Variants in CNTN4 observed in about 807,000 individuals in gnomAD.
The protein encoded by CNTN4 is contactin-4.
In CNTN4, 77 loss-of-function variants were observed where a neutral mutation model predicts 122.5. The ratio of observed to expected loss-of-function variants is 0.63; its 90% confidence interval spans 0.52 to 0.76. The LOEUF (loss-of-function observed/expected upper bound fraction) is 0.76. Ranked by LOEUF, CNTN4 falls within the 30% of genes least tolerant of loss-of-function variation. The probability of loss-of-function intolerance (pLI) is 0.00; values close to 1 mark genes in which losing one functional copy is unlikely to be tolerated. For missense variants in CNTN4, 1,256 were observed against 1,259.1 expected, an observed-to-expected ratio of 1.00 and a Z score of 0.04; for synonymous variants, 512 against 447.0, an observed-to-expected ratio of 1.15 and a Z score of -1.83.
chr3:2,899,032 T>C (rs1311648313), intron 10 of CNTN4, among the ~76,000 whole-genome samples: 2 of 152,248 alleles, frequency 1.3e-5, no homozygotes, highest in African/African-American at 4.8e-5. Context: ...TTTTTGAAGT[T>C]GACCCTTTTG....
At chr3:3,048,514 C>CTGTGTGTG (rs1491111533) in intron 23 of CNTN4, among the ~76,000 whole-genome samples, 1 of 134,278 alleles carries the variant, frequency 7.4e-6, no homozygotes, top group African/African-American at 3.3e-5. Flanking sequence ...CTCTCTCTCT[C>CTGTGTGTG]TCTGTGTGTG....
At chr3:2,664,301 A>G (rs1431092696) in intron 4 of CNTN4, among the ~76,000 whole-genome samples, 1 of 146,370 alleles carries the variant, frequency 6.8e-6, no homozygotes, top group African/African-American at 2.4e-5. Flanking sequence ...TTCTAAACCA[A>G]TCCTGTGATT....
chr3:2,348,041 C>G (rs62244016), intron 3 of CNTN4, among the ~76,000 whole-genome samples: 3 of 151,878 alleles, frequency 2.0e-5, no homozygotes, highest in East Asian at 1.9e-4. Flanking sequence ...ACATATAGTT[C>G]GTAATTTTAT....
intron 2 of CNTN4, among the ~76,000 whole-genome samples, chr3:2,316,244 CTTTTA>C (rs1387559412): frequency 1.3e-5 from 2 of 151,942 alleles, no homozygotes; most frequent in Non-Finnish European, 2.9e-5. Context: ...CAGATAGAGT[CTTTTA>C]TTTTATTTGA....
At position 3,040,099 on chromosome 3, in the gene CNTN4, C is replaced by T. The variant is rs569130636; in HGVS notation, c.2226C>T (p.Tyr742=). 32 of 1,614,164 alleles carry T rather than the reference C, an allele frequency of 2.0e-5. No homozygotes were observed. The highest frequency in any genetic ancestry group is 1.6e-4 in the Middle Eastern group (1 of 6,062). Residue 742 remains tyrosine (Y), a synonymous_variant, in exon 20 of 25, where the codon TAC becomes TAT. Coordinates refer to ENST00000418658, the MANE Select transcript of CNTN4 (RefSeq NM_175607.3). The part of the protein sequence containing the change: ...GFGYVVAFRP[Y]GKMIWMLTVL... ...GTTATGTGGTGGCCTTCCGGCCCTA[C>T]GGTAAAATGATCTGGATGCTGACAG...
intron 2 of CNTN4, among the ~76,000 whole-genome samples, chr3:2,138,479 G>A (rs543455900): frequency 1.3e-5 from 2 of 152,140 alleles, no homozygotes; most frequent in Non-Finnish European, 2.9e-5. Context: ...GGGGTGCCTG[G>A]ATAAAACATT....
chr3:2,845,424 AAATT>A (rs1218150317), intron 7 of CNTN4, among the ~76,000 whole-genome samples: 1 of 152,042 alleles, frequency 6.6e-6, no homozygotes, highest in African/African-American at 2.4e-5. Flanking sequence ...GCCTAAAAAT[AAATT>A]ACTTTATTAG....
At chr3:2,118,574 A>G (rs555016049) in intron 2 of CNTN4, among the ~76,000 whole-genome samples, 2 of 152,264 alleles carry the variant, frequency 1.3e-5, no homozygotes, top group Non-Finnish European at 1.5e-5. Context: ...TGTAAGTTAT[A>G]TATTATTCAT....
intron 4 of CNTN4, among the ~76,000 whole-genome samples, chr3:2,730,223 C>T (rs1175011915): frequency 6.6e-6 from 1 of 152,166 alleles, no homozygotes; most frequent in African/African-American, 2.4e-5. Context: ...ATTAATGTTT[C>T]ATATATACCT....
At chr3:2,893,484 TC>T (rs1397990304) in intron 10 of CNTN4, among the ~76,000 whole-genome samples, 1 of 152,204 alleles carries the variant, frequency 6.6e-6, no homozygotes, top group East Asian at 1.9e-4. Context: ...TACCCTCAAT[TC>T]CCCTGTCACT....
intron 13 of CNTN4, among the ~76,000 whole-genome samples, chr3:2,965,824 TGTC>T (rs1692246216): frequency 1.3e-5 from 2 of 152,170 alleles, no homozygotes; most frequent in South Asian, 4.1e-4. Context: ...CTTTTCTGCA[TGTC>T]GTCCCCTGTA....
chr3:2,252,929 T>A (rs2149691031), intron 2 of CNTN4, among the ~76,000 whole-genome samples: 1 of 152,278 alleles, frequency 6.6e-6, no homozygotes, highest in Non-Finnish European at 1.5e-5. Context: ...TCTTTAAAGC[T>A]GATTTTTAAT....
chr3:2,245,689 T>C (rs2040117711), intron 2 of CNTN4, among the ~76,000 whole-genome samples: 1 of 152,064 alleles, frequency 6.6e-6, no homozygotes. Flanking sequence ...GTGTACGTAT[T>C]TTCTTTTGTA....
intron 7 of CNTN4, among the ~76,000 whole-genome samples, chr3:2,820,957 C>CTTTTTT (rs1435679583): frequency 1.4e-5 from 1 of 70,624 alleles, no homozygotes; most frequent in African/African-American, 5.6e-5. Flanking sequence ...AACATTTTCT[C>CTTTTTT]TTTCTTTTTT....
At chr3:2,319,685 G>T (rs913537217) in intron 2 of CNTN4, among the ~76,000 whole-genome samples, 1 of 152,182 alleles carries the variant, frequency 6.6e-6, no homozygotes, top group Admixed American at 6.5e-5. Context: ...TACAAAATAT[G>T]TGTTGACTGT....
chr3:2,298,595 T>C (rs1178486), intron 2 of CNTN4, among the ~76,000 whole-genome samples: 47,484 of 152,048 alleles, frequency 0.31, 7,919 homozygotes, highest in East Asian at 0.58. Context: ...AGAGAATGAA[T>C]TTCCATCTTT....
chr3:2,946,031 C>T (rs1168074708), intron 13 of CNTN4, among the ~76,000 whole-genome samples: 3 of 152,080 alleles, frequency 2.0e-5, no homozygotes, highest in African/African-American at 4.8e-5. Flanking sequence ...TATATCTTTT[C>T]CTGTAGCTAA....
intron 14 of CNTN4, among the ~76,000 whole-genome samples, chr3:3,007,188 C>A (rs1696741990): frequency 6.6e-6 from 1 of 152,334 alleles, no homozygotes; most frequent in African/African-American, 2.4e-5. Context: ...ATGCTCTCAG[C>A]AGACAAAACT....
At chr3:3,003,709 A>ACAAAAC (rs1559776112) in intron 14 of CNTN4, among the ~76,000 whole-genome samples, 1 of 148,946 alleles carries the variant, frequency 6.7e-6, no homozygotes, top group African/African-American at 2.5e-5. Flanking sequence ...AAAAAAAAAA[A>ACAAAAC]AAAAACAAAA....
Sources: gnomAD v4.1 joint callset for allele counts (sites outside exome capture counted in the v4.1 genomes callset) on GRCh38, gnomAD v4.1.1 for gene constraint, MANE v1.5 for transcripts, NCBI Gene and HGNC (gene_info 2026-07-23, HGNC 2026-07-21) for gene names.